The following HIGD1C variants were observed in gnomAD, a reference collection of about 807,000 sequenced individuals.
HIGD1C encodes HIG1 domain family member 1C.
HIGD1C carries 11 observed loss-of-function variants against 13.1 expected under a neutral mutation model. The observed-to-expected ratio is 0.84, with a 90% confidence interval of 0.53 to 1.39. The LOEUF (loss-of-function observed/expected upper bound fraction) is 1.39, where lower values mean the gene tolerates loss of function less well. HIGD1C is among the 40% of genes most tolerant of loss of function. The probability of loss-of-function intolerance (pLI) is 0.00; values close to 1 mark genes in which losing one functional copy is unlikely to be tolerated. For missense variants in HIGD1C, 110 were observed against 112.0 expected, an observed-to-expected ratio of 0.98 and a Z score of 0.08; for synonymous variants, 36 against 37.7, an observed-to-expected ratio of 0.95 and a Z score of 0.17.
the HIGD1C span, among the ~76,000 whole-genome samples, chr12:50,946,343 T>C: frequency 2.6e-5 from 4 of 151,928 alleles, no homozygotes; most frequent in East Asian, 7.7e-4. Context: ...TGACAAAGGG[T>C]TAATATCCAG....
the HIGD1C span, among the ~76,000 whole-genome samples, chr12:50,935,769 A>G: frequency 4.6e-5 from 7 of 152,246 alleles, no homozygotes; most frequent in Non-Finnish European, 4.4e-5. Flanking sequence ...GATTACAGGC[A>G]TTAGCCACCA....
At chr12:50,969,748 T>C (rs1033508029) in intron 2 of HIGD1C, among the ~76,000 whole-genome samples, 2 of 150,428 alleles carry the variant, frequency 1.3e-5, no homozygotes, top group Admixed American at 6.6e-5. Flanking sequence ...CAATAATGAA[T>C]ATATGGGTTT....
In HIGD1C at chr12:50,964,362, C is replaced by A. The variant is rs186681567; in HGVS notation, c.229+3260C>A. ...TGGTGGGGTGACCCAAACCTTCATT[C>A]CTTCATGCCTAACCTGGATTATTAG... On this transcript the variant is annotated intron_variant, in intron 2 of 2. Transcript: ENST00000398455. Among the ~76,000 whole-genome samples, 18 of 152,340 alleles carry A rather than the reference C, an allele frequency of 1.2e-4. No homozygotes were observed. In the East Asian group the frequency reaches 3.3e-3, roughly 28 times the overall value.
downstream of HIGD1C, among the ~76,000 whole-genome samples, chr12:50,972,469 G>C (rs527819850): frequency 4.6e-5 from 7 of 152,198 alleles, no homozygotes; most frequent in African/African-American, 7.2e-5. Context: ...GGTCACAATC[G>C]AATCACTCGG....
chr12:50,972,019 GA>G (rs1939774324), downstream of HIGD1C, among the ~76,000 whole-genome samples: 1 of 152,134 alleles, frequency 6.6e-6, no homozygotes, highest in African/African-American at 2.4e-5. Flanking sequence ...GTCCTCTTTG[GA>G]AAATAGGCAA....
chr12:50,970,139 C>G (rs1295113909), intron 2 of HIGD1C, among the ~76,000 whole-genome samples: 1 of 152,170 alleles, frequency 6.6e-6, no homozygotes, highest in Non-Finnish European at 1.5e-5. Flanking sequence ...ATTGAGATGA[C>G]TACTATTTTT....
the HIGD1C span, among the ~76,000 whole-genome samples, chr12:50,945,876 A>C: frequency 6.6e-6 from 1 of 152,154 alleles, no homozygotes; most frequent in East Asian, 1.9e-4. Flanking sequence ...CTGGTACCAA[A>C]ACAGAGATAT....
At chr12:50,972,007 C>A (rs114682072), downstream of HIGD1C, among the ~76,000 whole-genome samples, 2 of 152,192 alleles carry the variant, frequency 1.3e-5, no homozygotes, top group Admixed American at 6.5e-5. Flanking sequence ...TTGGTCAACA[C>A]TGTCCTCTTT....
exon 1 of HIGD1C, chr12:50,954,004 T>G (rs796099674): frequency 6.2e-7 from 1 of 1,606,186 alleles, no homozygotes; most frequent in Non-Finnish European, 8.5e-7. Flanking sequence ...AAAAAATGTC[T>G]TCAGATAACC....
At chr12:50,935,768 C>A in the HIGD1C span, among the ~76,000 whole-genome samples, 1 of 152,132 alleles carries the variant, frequency 6.6e-6, no homozygotes, top group Non-Finnish European at 1.5e-5. Context: ...GGATTACAGG[C>A]ATTAGCCACC....
intron 1 of HIGD1C, among the ~76,000 whole-genome samples, chr12:50,959,792 C>T (rs1363697850): frequency 6.6e-6 from 1 of 152,140 alleles, no homozygotes; most frequent in Non-Finnish European, 1.5e-5. Flanking sequence ...GGATTACAGG[C>T]ATGTACCACC....
At chr12:50,932,841 T>A in the HIGD1C span, among the ~76,000 whole-genome samples, 1 of 152,232 alleles carries the variant, frequency 6.6e-6, no homozygotes, top group Admixed American at 6.5e-5. Context: ...AAGTTATTGA[T>A]GCAGTGAGGT....
chr12:50,954,722 T>C (rs1939026671), intron 1 of HIGD1C, among the ~76,000 whole-genome samples: 1 of 152,112 alleles, frequency 6.6e-6, no homozygotes, highest in Non-Finnish European at 1.5e-5. Context: ...TGAGACCCTG[T>C]CTCAAAAACA....
the HIGD1C span, among the ~76,000 whole-genome samples, chr12:50,936,685 G>A: frequency 1.3e-5 from 2 of 152,128 alleles, no homozygotes; most frequent in Admixed American, 1.3e-4. Flanking sequence ...ATGGTCTCCT[G>A]AGACTCATTT....
At chr12:50,951,345 T>C (rs985533261), upstream of HIGD1C, among the ~76,000 whole-genome samples, 1 of 152,106 alleles carries the variant, frequency 6.6e-6, no homozygotes, top group South Asian at 2.1e-4. Flanking sequence ...CAACACAGAA[T>C]GGGGCAATGG....
rs199908829 is a variant in HIGD1C at position 50,967,862 on chromosome 12, G to GA, written c.230-2578dup. Among the ~76,000 whole-genome samples the GA allele has an allele frequency of 9.8e-4, 149 of 152,248 alleles. 3 individuals carry two copies. In the East Asian group the frequency reaches 0.025, roughly 25 times the overall value. On this transcript the variant is annotated intron_variant, in intron 2 of 2. Coordinates refer to ENST00000398455, the Ensembl canonical transcript of HIGD1C. Reference sequence around the variant, plus strand: ...GGTGTATTGGGAGTCCAAGGCAGGAGAATCACTTGAGCCCAGGAGTTTGAG... The same window carrying GA: ...GGTGTATTGGGAGTCCAAGGCAGGAGAAATCACTTGAGCCCAGGAGTTTGAG...
At chr12:50,944,723 C>T in the HIGD1C span, among the ~76,000 whole-genome samples, 11,322 of 152,122 alleles carry the variant, frequency 0.074, 780 homozygotes, top group East Asian at 0.28. Flanking sequence ...CCCATCTCTA[C>T]TGAAAATATA....
intron 2 of HIGD1C, among the ~76,000 whole-genome samples, chr12:50,969,285 C>A (rs1363983366): frequency 1.3e-5 from 2 of 150,602 alleles, no homozygotes; most frequent in Non-Finnish European, 3.0e-5. Context: ...GACAGAGAGA[C>A]CCCATCTCAA....
upstream of HIGD1C, among the ~76,000 whole-genome samples, chr12:50,951,774 T>C (rs1167344064): frequency 1.3e-5 from 2 of 151,682 alleles, no homozygotes; most frequent in Non-Finnish European, 2.9e-5. Context: ...ACAAAAAAAT[T>C]AGCCGGGCGT....
Sources: allele counts gnomAD v4.1 joint callset (sites outside exome capture counted in the v4.1 genomes callset), GRCh38; gene constraint gnomAD v4.1.1; transcripts MANE v1.5; gene names NCBI Gene and HGNC (gene_info 2026-07-23, HGNC 2026-07-21).